GANC: variants seen among roughly 807,000 people sequenced by gnomAD.
GANC encodes neutral alpha-glucosidase C.
GANC carries 117 observed loss-of-function variants against 124.2 expected under a neutral mutation model. The observed-to-expected ratio is 0.94, with a 90% CI of 0.81 to 1.10. The LOEUF is 1.10. Among genes scored for constraint, GANC ranks in the 50% least tolerant of loss-of-function variants. GANC has a pLI of 0.00. For missense variants in GANC, 1,140 were observed against 1,095.0 expected, an observed-to-expected ratio of 1.04 and a Z score of -0.58; for synonymous variants, 377 against 376.8, an observed-to-expected ratio of 1.00 and a Z score of -0.01.
At chr15:42,342,974 TG>T in intron 18 of GANC, 103 bp from the exon 19 acceptor site, 1 of 871,276 alleles carries the variant, frequency 1.1e-6, no homozygotes, top group Non-Finnish European at 1.9e-6. Context: ...AGTTCACAGC[TG>T]GGAGGTCTGT....
intron 15 of GANC, among the ~76,000 whole-genome samples, chr15:42,336,621 A>G (rs562980154): frequency 2.6e-5 from 4 of 152,366 alleles, no homozygotes; most frequent in African/African-American, 4.8e-5. Context: ...AACAAAAGCA[A>G]AATTGACAAA....
chr15:42,298,163 G>T (rs1400202051), intron 6 of GANC, among the ~76,000 whole-genome samples: 2 of 152,096 alleles, frequency 1.3e-5, no homozygotes, highest in Non-Finnish European at 2.9e-5. Context: ...CAAAAAGTTG[G>T]GAAAAGAATG....
rs1185337638 is a variant in GANC at position 42,308,330 on chromosome 15, CAAG to C, written c.722+15_722+17del. The C allele has an allele frequency of 4.5e-6, 7 of 1,546,482 alleles. No individual in the cohort carries two copies. The highest frequency in any genetic ancestry group is 5.4e-6 in the Non-Finnish European group (6 of 1,120,912). ...CTTAAAAATACTGGGTAAGTGAAAA[CAAG>C]AATTCTTATGGGAGTCTCTGGTTTT... On this transcript the variant is annotated intron_variant, in intron 8 of 23. Coordinates refer to ENST00000318010, the MANE Select transcript of GANC (RefSeq NM_198141.3).
At chr15:42,292,703 G>C (rs1239425903) in intron 4 of GANC, 32 bp from the exon 5 acceptor site, 1 of 1,604,324 alleles carries the variant, frequency 6.2e-7, no homozygotes, top group Non-Finnish European at 8.5e-7. Flanking sequence ...ACCTATAGCA[G>C]CTTGTTTCTC....
chr15:42,299,205 A>G (rs948225538), intron 6 of GANC, among the ~76,000 whole-genome samples: 1 of 152,194 alleles, frequency 6.6e-6, no homozygotes, highest in African/African-American at 2.4e-5. Flanking sequence ...TGGGTTCGTC[A>G]TAAGTAGCTC....
rs1370718858 is a variant in GANC, at chr15:42,330,595, G to T, written c.1664G>T (p.Gly555Val). The change falls in exon 15 of 24, where the codon GGA (glycine) becomes GTA (valine). Residue 555 changes from glycine to valine, a missense_variant. Coordinates refer to ENST00000318010, the MANE Select transcript of GANC (RefSeq NM_198141.3). ...GFYHQMATAE[G>V]LIKRSKGKER... ...ATATAGCAAATGGCTACTGCAGAAGGACTGATAAAACGATCTAAAGGGAAG... is the reference window on the plus strand; with the variant it reads ...ATATAGCAAATGGCTACTGCAGAAGTACTGATAAAACGATCTAAAGGGAAG... 3 of 1,611,998 alleles carry T rather than the reference G, an allele frequency of 1.9e-6. No individual in the cohort carries two copies. Among genetic ancestry groups the T allele is most frequent in the Admixed American group, 3.4e-5 (2 of 59,526 alleles).
intron 3 of GANC, among the ~76,000 whole-genome samples, chr15:42,287,221 C>A (rs1215540389): frequency 6.6e-6 from 1 of 152,194 alleles, no homozygotes; most frequent in Non-Finnish European, 1.5e-5. Flanking sequence ...CAATGATCAT[C>A]ATTTTATTCT....
rs1325012750 is a variant in GANC at position 42,352,187 on chromosome 15, C to G, written c.*48C>G. ...TGAGCAGGGACCTGCCTGCCCCTTT[C>G]AACCTTTCCCCTCACCTTTTTTGAG... is the stretch of plus-strand genomic sequence containing the variant. On this transcript the variant is annotated 3_prime_UTR_variant, in exon 24 of 24. Transcript: ENST00000318010. The G allele has an allele frequency of 6.2e-7, 1 of 1,606,458 alleles. No homozygotes were observed. Among genetic ancestry groups the G allele is most frequent in the East Asian group, 2.2e-5 (1 of 44,692 alleles).
intron 5 of GANC, among the ~76,000 whole-genome samples, chr15:42,296,544 C>G (rs1025073992): frequency 3.7e-4 from 57 of 152,116 alleles, no homozygotes; most frequent in Non-Finnish European, 5.9e-4. Context: ...AGGTGCCCAC[C>G]ACCACGTCCA....
chr15:42,293,528 C>CTTTTTTTTTTTTTTTTTTTTTTTTTTTT lies in GANC; in HGVS notation c.512+612_512+613insTTTTTTTTTTTTTTTTTTTTTTTTTTTT, dbSNP rs1566951280. Reference sequence around the variant, plus strand: ...CATTTTTCTGAGTTTCAACTCATTTCTGTTTTAAAATTTTGATACTAAAAA... The same window carrying CTTTTTTTTTTTTTTTTTTTTTTTTTTTT: ...CATTTTTCTGAGTTTCAACTCATTTCTTTTTTTTTTTTTTTTTTTTTTTTTTTTTGTTTTAAAATTTTGATACTAAAAA... On this transcript the variant is annotated intron_variant, in intron 5 of 23. Coordinates refer to ENST00000318010, the MANE Select transcript of GANC (RefSeq NM_198141.3). Among the ~76,000 whole-genome samples, 30 of 151,918 alleles carry CTTTTTTTTTTTTTTTTTTTTTTTTTTTT rather than the reference C, an allele frequency of 2.0e-4. 1 individual carries two copies. Among genetic ancestry groups the CTTTTTTTTTTTTTTTTTTTTTTTTTTTT allele is most frequent in the African/African-American group, 7.3e-4 (30 of 41,220 alleles).
At chr15:42,292,942 A>G (rs1210662879) in intron 5 of GANC, 25 bp downstream of exon 5, 5 of 1,601,666 alleles carry the variant, frequency 3.1e-6, no homozygotes, top group African/African-American at 2.7e-5. Flanking sequence ...TACTTGACAC[A>G]TAAAGACCTT....
intron 8 of GANC, 72 bp downstream of exon 8, chr15:42,308,390 C>A: frequency 9.9e-7 from 1 of 1,008,146 alleles, no homozygotes; most frequent in Non-Finnish European, 1.5e-6. Flanking sequence ...CATTTGTGAG[C>A]TGTCTGAGCC....
At chr15:42,290,928 C>T (rs868283790) in intron 4 of GANC, among the ~76,000 whole-genome samples, 4 of 152,132 alleles carry the variant, frequency 2.6e-5, no homozygotes, top group African/African-American at 9.7e-5. Flanking sequence ...AGCAACCCCT[C>T]CTATAAAGGC....
chr15:42,345,599 C>T (rs114185589), intron 19 of GANC, among the ~76,000 whole-genome samples, 159 bp from the exon 20 acceptor site: 1,669 of 152,282 alleles, frequency 0.011, 36 homozygotes, highest in African/African-American at 0.039. Context: ...CCTAAAAGCA[C>T]GTATTCTTCC....
Position 42,321,940 on chromosome 15 carries a change from A to G in GANC, c.1213A>G (p.Lys405Glu). ...MWLDIEHTEG[K>E]RYFTWDKNRF... Reference sequence around the variant, plus strand: ...GCTGGACATAGAGCACACTGAGGGCAAGAGGTACTTCACCTGGGACAAAAA... The same window carrying G: ...GCTGGACATAGAGCACACTGAGGGCGAGAGGTACTTCACCTGGGACAAAAA... Residue 405 changes from lysine (K) to glutamate (E), a missense_variant, in exon 11 of 24, where the codon AAG becomes GAG. Lys to Glu is a moderately conservative substitution (Grantham distance 56, BLOSUM62 1). Coordinates refer to ENST00000318010, the MANE Select transcript of GANC (RefSeq NM_198141.3). 6.2e-7 allele frequency: 1 copy of G among 1,614,200 alleles called. No individual in the cohort carries two copies. The highest frequency in any genetic ancestry group is 8.5e-7 in the Non-Finnish European group (1 of 1,180,032).
chr15:42,346,475 T>C (rs2052364762), intron 20 of GANC, among the ~76,000 whole-genome samples: 1 of 152,120 alleles, frequency 6.6e-6, no homozygotes, highest in Non-Finnish European at 1.5e-5. Context: ...CTGAAAACTG[T>C]TTAATTGTAT....
rs114395350 is a variant in GANC, at chr15:42,351,201, T to C, written c.2532-128T>C. ...TATTATCTCTTCATCCTAGTAAATA[T>C]GACTCCCATATGGATCATGCCTCCA... On this transcript the variant is annotated intron_variant, in intron 22 of 23. Transcript: ENST00000318010. 3,342 of 635,990 alleles carry C rather than the reference T, an allele frequency of 5.3e-3. 88 individuals carry two copies. In the African/African-American group the frequency reaches 0.056, roughly 11 times the overall value. 39.4% of individuals were successfully genotyped at this position (635,990 alleles called of 1,614,324 possible).
chr15:42,303,854 G>GACCTA (rs1566953523), intron 6 of GANC, among the ~76,000 whole-genome samples: 1 of 152,054 alleles, frequency 6.6e-6, no homozygotes, highest in Admixed American at 6.6e-5. Flanking sequence ...GATTCATAAA[G>GACCTA]CAAGTTCTTA....
chr15:42,309,078 T>C (rs1014771475), intron 8 of GANC, among the ~76,000 whole-genome samples: 3 of 152,166 alleles, frequency 2.0e-5, no homozygotes, highest in Non-Finnish European at 2.9e-5. Context: ...CTCAGGGATA[T>C]CATGTCAGGC....
Sources: allele counts gnomAD v4.1 joint callset (sites outside exome capture counted in the v4.1 genomes callset), GRCh38; gene constraint gnomAD v4.1.1; transcripts MANE v1.5; gene names NCBI Gene and HGNC (gene_info 2026-07-23, HGNC 2026-07-21).